The following ACER3 variants were observed in gnomAD, a reference collection of about 807,000 sequenced individuals.
ACER3 encodes alkCDase 3.
A neutral mutation model predicts 48.9 loss-of-function variants in ACER3; 16 were observed. The ratio of observed to expected loss-of-function variants is 0.33; its 90% CI spans 0.22 to 0.50. ACER3 has a LOEUF of 0.50. ACER3 is among the 20% of genes least tolerant of loss of function. ACER3 has a pLI of 0.98. For synonymous variants in ACER3, 109 were observed against 107.8 expected (o/e 1.01, Z -0.07); for missense variants, 227 against 326.0 (o/e 0.70, Z 2.34).
chr11:76,887,102 C>CA (rs111930936), intron 1 of ACER3, among the ~76,000 whole-genome samples: 16,468 of 151,682 alleles, frequency 0.11, 2,950 homozygotes, highest in African/African-American at 0.37. Flanking sequence ...CCTGTCTCTA[C>CA]AAAAAAAATA....
intron 1 of ACER3, among the ~76,000 whole-genome samples, chr11:76,873,309 C>T (rs545172685): frequency 4.1e-4 from 62 of 152,252 alleles, no homozygotes; most frequent in African/African-American, 9.6e-4. Flanking sequence ...ATTTTTATAT[C>T]TTTTCTCAGT....
chr11:76,996,512 G>A (rs143821019), intron 6 of ACER3, among the ~76,000 whole-genome samples: 7 of 151,734 alleles, frequency 4.6e-5, no homozygotes, highest in East Asian at 1.9e-4. Context: ...TCTGCCTCTC[G>A]GGTTCAAGCA....
intron 3 of ACER3, among the ~76,000 whole-genome samples, chr11:76,971,005 C>T (rs1474219768): frequency 6.6e-6 from 1 of 152,162 alleles, no homozygotes; most frequent in African/African-American, 2.4e-5. Flanking sequence ...TTTAACTTAG[C>T]ATGTTTTCAC....
intron 2 of ACER3, among the ~76,000 whole-genome samples, chr11:76,929,346 T>C (rs370889813): frequency 6.6e-6 from 1 of 152,234 alleles, no homozygotes; most frequent in East Asian, 1.9e-4. Context: ...GCTTATCAGC[T>C]TAAGGAGATT....
chr11:76,937,242 G>T (rs576956370), intron 2 of ACER3, among the ~76,000 whole-genome samples: 1 of 152,280 alleles, frequency 6.6e-6, no homozygotes, highest in African/African-American at 2.4e-5. Flanking sequence ...TTTTGGCAAG[G>T]CTGTGGGAGA....
At chr11:76,926,308 G>T (rs183016927) in intron 1 of ACER3, among the ~76,000 whole-genome samples, 19 of 152,164 alleles carry the variant, frequency 1.2e-4, no homozygotes, top group Non-Finnish European at 2.8e-4. Flanking sequence ...TTAGAAATTA[G>T]GATTTCCTTT....
rs571160433 is a variant in ACER3, at chr11:76,929,369, G to A, written c.214+2702G>A. Among the ~76,000 whole-genome samples, 6 of 152,260 alleles carry A rather than the reference G, an allele frequency of 3.9e-5. No homozygotes were observed. In the South Asian group the frequency reaches 8.3e-4, roughly 21 times the overall value. Reference sequence around the variant, plus strand: ...GCTTAAGGAGATTTTGGGCTGAGACGATGGGGTTTTCCAGATATACAATCA... The same window carrying A: ...GCTTAAGGAGATTTTGGGCTGAGACAATGGGGTTTTCCAGATATACAATCA... On this transcript the variant is annotated intron_variant, in intron 2 of 10. Coordinates refer to ENST00000532485, the MANE Select transcript of ACER3 (RefSeq NM_018367.7).
At chr11:76,925,938 T>C (rs1301760995) in intron 1 of ACER3, among the ~76,000 whole-genome samples, 3 of 152,220 alleles carry the variant, frequency 2.0e-5, no homozygotes, top group Non-Finnish European at 4.4e-5. Flanking sequence ...TTTATTTACT[T>C]ATAAATTCTA....
rs1949459026 is a variant in ACER3 at position 77,020,744 on chromosome 11, C to T, written c.*417C>T. On this transcript the variant is annotated 3_prime_UTR_variant, in exon 11 of 11. Coordinates refer to ENST00000532485, the MANE Select transcript of ACER3 (RefSeq NM_018367.7). ...GCAGTCAGCTAAGAGCCAACAAAACCCCATATCCAGATAGTTAGCTGTGAG... is the reference window on the plus strand; with the variant it reads ...GCAGTCAGCTAAGAGCCAACAAAACTCCATATCCAGATAGTTAGCTGTGAG... 6.1e-6 allele frequency: 1 copy of T among 164,182 alleles called. No homozygotes were observed. Among genetic ancestry groups the T allele is most frequent in the Non-Finnish European group, 1.3e-5 (1 of 75,812 alleles). The allele number at this position is 164,182 out of a possible 1,614,324, so 10.2% of individuals were successfully genotyped here. A position where few individuals can be genotyped will look rare whatever the true frequency, so the allele number is the denominator to read the frequency against.
intron 1 of ACER3, among the ~76,000 whole-genome samples, chr11:76,923,375 T>C (rs1946735787): frequency 6.6e-6 from 1 of 152,218 alleles, no homozygotes; most frequent in Non-Finnish European, 1.5e-5. Context: ...ACTGATCTTC[T>C]TTCTGTCACT....
chr11:76,919,446 A>G (rs1946628282), intron 1 of ACER3, among the ~76,000 whole-genome samples: 1 of 152,210 alleles, frequency 6.6e-6, no homozygotes, highest in Non-Finnish European at 1.5e-5. Flanking sequence ...AGAAATCGTG[A>G]AATTACTGTA....
intron 1 of ACER3, among the ~76,000 whole-genome samples, chr11:76,921,383 A>G (rs1443553629): frequency 6.6e-6 from 1 of 152,202 alleles, no homozygotes; most frequent in East Asian, 1.9e-4. Context: ...CCCATCTGGA[A>G]TTTATTTTTG....
chr11:76,936,674 A>C (rs1315239685), intron 2 of ACER3, among the ~76,000 whole-genome samples: 1 of 152,016 alleles, frequency 6.6e-6, no homozygotes, highest in Non-Finnish European at 1.5e-5. Context: ...TTCACAAGAA[A>C]AGGTTTAATA....
chr11:76,924,048 C>T (rs188331236), intron 1 of ACER3, among the ~76,000 whole-genome samples: 3 of 152,202 alleles, frequency 2.0e-5, no homozygotes, highest in East Asian at 1.9e-4. Context: ...CTGAACTCCC[C>T]GCTTTGTTTC....
chr11:76,958,786 T>C (rs1947910881), intron 2 of ACER3, 193 bp from the exon 3 acceptor site: 2 of 592,582 alleles, frequency 3.4e-6, no homozygotes, highest in Non-Finnish European at 6.0e-6. Flanking sequence ...GGAGAACTTA[T>C]ATTGTACTTC....
chr11:76,936,872 A>G (rs1309245411), intron 2 of ACER3, among the ~76,000 whole-genome samples: 1 of 151,990 alleles, frequency 6.6e-6, no homozygotes, highest in Admixed American at 6.6e-5. Flanking sequence ...GTGCACCACC[A>G]TGCCCAGCTA....
At chr11:76,909,382 G>C (rs1946312335) in intron 1 of ACER3, among the ~76,000 whole-genome samples, 1 of 151,994 alleles carries the variant, frequency 6.6e-6, no homozygotes, top group Non-Finnish European at 1.5e-5. Context: ...ATCTGACAAA[G>C]GGCTAATATC....
intron 3 of ACER3, among the ~76,000 whole-genome samples, chr11:76,966,945 A>C (rs185368976): frequency 1.3e-5 from 2 of 152,238 alleles, no homozygotes; most frequent in African/African-American, 4.8e-5. Flanking sequence ...GAAGGCAAGA[A>C]ATAACTAAAA....
At chr11:77,007,739 G>A (rs1949183676) in intron 7 of ACER3, among the ~76,000 whole-genome samples, 1 of 152,138 alleles carries the variant, frequency 6.6e-6, no homozygotes, top group Admixed American at 6.5e-5. Flanking sequence ...ACTGTGGGTG[G>A]GGATGAGAGT....
Sources: allele counts gnomAD v4.1 joint callset (sites outside exome capture counted in the v4.1 genomes callset), GRCh38; gene constraint gnomAD v4.1.1; transcripts MANE v1.5; gene names NCBI Gene and HGNC (gene_info 2026-07-23, HGNC 2026-07-21).